MTA3: variants seen among roughly 807,000 people sequenced by gnomAD.
MTA3 encodes metastasis associated 1 family member 3, also known as metastasis-associated protein MTA3.
A neutral mutation model predicts 83.5 loss-of-function variants in MTA3; 34 were observed. The observed-to-expected ratio is 0.41, with a 90% CI of 0.31 to 0.54. MTA3 has a LOEUF of 0.54. Ranked by LOEUF, MTA3 falls within the 20% of genes least tolerant of loss-of-function variation. MTA3 has a pLI of 0.33. For missense variants in MTA3, 761 were observed against 726.4 expected (o/e 1.05, Z -0.55); for synonymous variants, 303 against 252.7 (o/e 1.20, Z -1.89).
chr2:42,644,794 A>G (rs1688020378), intron 6 of MTA3, among the ~76,000 whole-genome samples: 1 of 152,114 alleles, frequency 6.6e-6, no homozygotes. Context: ...TGGGGCCACG[A>G]ACCGTACCCA....
At position 42,693,441 on chromosome 2, in the gene MTA3, C is replaced by A. The variant is rs530532965; in HGVS notation, c.892-2324C>A. On this transcript the variant is annotated intron_variant, in intron 9 of 16. Coordinates refer to ENST00000405094, the MANE Select transcript of MTA3 (RefSeq NM_001330442.2). ...CTATTCTGCTGTGACTAAGCTGAGA[C>A]TCAAACCACAATATAAAATCCTTCC... is the stretch of plus-strand genomic sequence containing the variant. 6.6e-5 allele frequency among the ~76,000 whole-genome samples: 10 copies of A among 152,326 alleles called. No homozygotes were observed. The East Asian group carries it at 1.9e-3, about 29-fold the overall frequency.
At chr2:42,749,348 C>T (rs1212981643) in intron 16 of MTA3, among the ~76,000 whole-genome samples, 1 of 152,230 alleles carries the variant, frequency 6.6e-6, no homozygotes, top group Admixed American at 6.5e-5. Flanking sequence ...GAGTGGCTCT[C>T]ACTTTGTCTC....
intron 2 of MTA3, among the ~76,000 whole-genome samples, chr2:42,506,914 T>A (rs964914142): frequency 6.6e-6 from 1 of 151,678 alleles, no homozygotes; most frequent in Non-Finnish European, 1.5e-5. Flanking sequence ...GCCTGTTTTA[T>A]TTTTTTGAGA....
chr2:42,502,859 A>G (rs1204018797), intron 2 of MTA3, among the ~76,000 whole-genome samples: 16 of 151,304 alleles, frequency 1.1e-4, no homozygotes, highest in Admixed American at 4.0e-4. Context: ...GCTATTCAGG[A>G]GGCTGAGGCA....
intron 9 of MTA3, among the ~76,000 whole-genome samples, chr2:42,689,964 T>A (rs906966303): frequency 6.6e-6 from 1 of 152,076 alleles, no homozygotes; most frequent in Non-Finnish European, 1.5e-5. Context: ...CTTTTTTTTT[T>A]TCCTAGTATC....
chr2:42,665,439 C>A (rs1240925044), intron 8 of MTA3, among the ~76,000 whole-genome samples: 2 of 152,140 alleles, frequency 1.3e-5, no homozygotes, highest in African/African-American at 4.8e-5. Flanking sequence ...TACATTGATC[C>A]TTTCTACCAT....
At chr2:42,527,838 C>A (rs796556886) in intron 2 of MTA3, among the ~76,000 whole-genome samples, 3,788 of 149,216 alleles carry the variant, frequency 0.025, 144 homozygotes, top group African/African-American at 0.086. Context: ...AAAAAAAAAA[C>A]AAAAACAAGT....
chr2:42,645,647 A>C (rs1688111391), intron 6 of MTA3, among the ~76,000 whole-genome samples: 1 of 152,240 alleles, frequency 6.6e-6, no homozygotes, highest in African/African-American at 2.4e-5. Context: ...CATTCCTTTA[A>C]ACCAAAGCCT....
chr2:42,537,748 T>C (rs943271647), intron 2 of MTA3, among the ~76,000 whole-genome samples: 7 of 152,004 alleles, frequency 4.6e-5, no homozygotes, highest in Non-Finnish European at 8.8e-5. Flanking sequence ...ATTCAGGAAA[T>C]TGGAGCATTT....
chr2:42,502,139 T>G (rs746891504), intron 2 of MTA3, among the ~76,000 whole-genome samples: 19 of 146,756 alleles, frequency 1.3e-4, no homozygotes, highest in Non-Finnish European at 2.7e-4. Flanking sequence ...GGGGGACATC[T>G]CAAAGTGGGG....
At chr2:42,505,093 G>A (rs1674572722) in intron 2 of MTA3, among the ~76,000 whole-genome samples, 1 of 151,912 alleles carries the variant, frequency 6.6e-6, no homozygotes, top group South Asian at 2.1e-4. Flanking sequence ...AAGAAATGAG[G>A]CTTTAAGAGA....
chr2:42,703,027 A>G (rs1665725586), intron 11 of MTA3: 2 of 152,104 alleles, frequency 1.3e-5, no homozygotes, highest in Non-Finnish European at 2.9e-5. Flanking sequence ...TGGCATGATC[A>G]TGGCTCACTG....
chr2:42,696,907 G>A (rs1693435012), intron 10 of MTA3, among the ~76,000 whole-genome samples: 1 of 152,090 alleles, frequency 6.6e-6, no homozygotes, highest in African/African-American at 2.4e-5. Context: ...CATGTAGTCT[G>A]GGAACCTATT....
intron 8 of MTA3, among the ~76,000 whole-genome samples, chr2:42,664,196 C>T (rs895266214): frequency 2.0e-5 from 3 of 152,040 alleles, no homozygotes. Flanking sequence ...ATTTAAATAC[C>T]ATGGTTTCCT....
intron 2 of MTA3, 60 bp from the exon 3 acceptor site, chr2:42,579,047 G>T: frequency 1.7e-6 from 2 of 1,164,566 alleles, no homozygotes; most frequent in South Asian, 1.5e-5. Flanking sequence ...TAGTTTCGTT[G>T]TATAAATTAT....
chr2:42,554,313 C>T (rs1419099539), intron 2 of MTA3, among the ~76,000 whole-genome samples: 1 of 152,162 alleles, frequency 6.6e-6, no homozygotes, highest in East Asian at 1.9e-4. Context: ...CTCCTTGAGT[C>T]CCAGAACTCC....
intron 4 of MTA3, among the ~76,000 whole-genome samples, chr2:42,610,982 C>CTTTTTTTTTTT (rs773889459): frequency 7.4e-6 from 1 of 136,000 alleles, no homozygotes; most frequent in African/African-American, 2.7e-5. Context: ...CTTTTCTTTT[C>CTTTTTTTTTTT]TTTTTTTTTT....
chr2:42,625,856 C>T (rs1262859951), intron 4 of MTA3, among the ~76,000 whole-genome samples: 2 of 149,252 alleles, frequency 1.3e-5, no homozygotes, highest in East Asian at 3.9e-4. Context: ...TAAATTGTTT[C>T]TTCAAGTTCA....
chr2:42,528,049 C>G (rs1323551756), intron 2 of MTA3, among the ~76,000 whole-genome samples: 1 of 152,030 alleles, frequency 6.6e-6, no homozygotes, highest in African/African-American at 2.4e-5. Flanking sequence ...CTCAGCCTCC[C>G]GAATAGCTGG....
Sources: allele counts gnomAD v4.1 joint callset (sites outside exome capture counted in the v4.1 genomes callset), GRCh38; gene constraint gnomAD v4.1.1; transcripts MANE v1.5; gene names NCBI Gene and HGNC (gene_info 2026-07-23, HGNC 2026-07-21).